The following MED12L variants were observed in gnomAD, a reference collection of about 807,000 sequenced individuals.
MED12L encodes mediator complex subunit 12L.
A neutral mutation model predicts 281.3 loss-of-function variants in MED12L; 60 were observed. The observed-to-expected ratio is 0.21, with a 90% confidence interval of 0.17 to 0.26. The LOEUF (loss-of-function observed/expected upper bound fraction) is 0.26. Among genes scored for constraint, MED12L ranks in the 10% least tolerant of loss-of-function variants. MED12L has a pLI of 1.00. For missense variants in MED12L, 2,146 were observed against 2,680.9 expected, an observed-to-expected ratio of 0.80 and a Z score of 4.41; for synonymous variants, 974 against 987.2, an observed-to-expected ratio of 0.99 and a Z score of 0.25.
intron 42 of MED12L, among the ~76,000 whole-genome samples, chr3:151,414,816 A>G (rs1717362778): frequency 7.3e-6 from 1 of 136,246 alleles, no homozygotes; most frequent in Non-Finnish European, 1.7e-5. Context: ...GTTGTTTCCA[A>G]TGGTAAAAGC....
rs534262879 is a variant in MED12L, at chr3:151,301,295, A to G, written c.2251-48764A>G. ...ATGATCTTTGGATTTCAGTAAGCCTAAAAAGCTTGAATCCAGTTTCTCATG... is the reference window on the plus strand; with the variant it reads ...ATGATCTTTGGATTTCAGTAAGCCTGAAAAGCTTGAATCCAGTTTCTCATG... On this transcript the variant is annotated intron_variant, in intron 16 of 44. Coordinates refer to ENST00000687756, the MANE Select transcript of MED12L (RefSeq NM_001393769.1). Among the ~76,000 whole-genome samples the G allele has an allele frequency of 3.3e-5, 5 of 152,338 alleles. No homozygotes were observed. The South Asian group carries it at 1.0e-3, about 32-fold the overall frequency.
intron 16 of MED12L, among the ~76,000 whole-genome samples, chr3:151,221,312 C>G (rs1729301646): frequency 6.6e-6 from 1 of 152,188 alleles, no homozygotes; most frequent in East Asian, 1.9e-4. Flanking sequence ...AAAAGAAAAT[C>G]CCATCTTCTG....
intron 5 of MED12L, among the ~76,000 whole-genome samples, chr3:151,138,533 A>T (rs114135065): frequency 6.6e-6 from 1 of 152,164 alleles, no homozygotes; most frequent in African/African-American, 2.4e-5. Flanking sequence ...CTTATTCAGG[A>T]TATTATATTA....
In MED12L at chr3:151,434,274, A is replaced by C. The variant is rs1352971612; in HGVS notation, c.*1470A>C. 1 of 152,164 alleles carries C rather than the reference A, an allele frequency of 6.6e-6. No homozygotes were observed. Among genetic ancestry groups the C allele is most frequent in the Non-Finnish European group, 1.5e-5 (1 of 68,038 alleles). The allele number at this position is 152,164 out of a possible 1,614,324, so 9.4% of individuals were successfully genotyped here. A position where few individuals can be genotyped will look rare whatever the true frequency, so the allele number is the denominator to read the frequency against. On this transcript the variant is annotated 3_prime_UTR_variant, in exon 45 of 45. Transcript: ENST00000687756. ...CTTTAGTAGACATTTTCTTTTGCAA[A>C]TCATTATCTATAAATAATTTATATC... is the stretch of plus-strand genomic sequence containing the variant.
chr3:151,357,363 C>G lies in MED12L; in HGVS notation c.2812C>G (p.Gln938Glu). Reference protein sequence around the residue: ...CLILNPDQTAQVFEGLCGVVK... With the variant: ...CLILNPDQTAEVFEGLCGVVK... ...AATCTTGAATCCTGATCAGACAGCCCAGGTGTTTGAAGGGTTGGTATATAG... is the reference window on the plus strand; with the variant it reads ...AATCTTGAATCCTGATCAGACAGCCGAGGTGTTTGAAGGGTTGGTATATAG... Residue 938 changes from glutamine to glutamate, a missense_variant, in exon 20 of 45, where the codon CAG (glutamine) becomes GAG (glutamate). Gln to Glu is a conservative substitution (Grantham distance 29, BLOSUM62 2). Around this residue, in one of 9 missense-constraint regions of MED12L, gnomAD observed 404 missense variants for 603.5 expected, o/e 0.67. Transcript: ENST00000687756. 1.2e-6 allele frequency: 2 copies of G among 1,608,830 alleles called. No homozygotes were observed. Among genetic ancestry groups the G allele is most frequent in the Non-Finnish European group, 1.7e-6 (2 of 1,177,954 alleles).
chr3:151,103,283 G>T (rs151267589), intron 2 of MED12L, among the ~76,000 whole-genome samples: 2 of 152,192 alleles, frequency 1.3e-5, no homozygotes, highest in Admixed American at 1.3e-4. Flanking sequence ...ATATCAGAGG[G>T]TGATATGCAT....
intron 16 of MED12L, among the ~76,000 whole-genome samples, chr3:151,296,731 T>A (rs981574025): frequency 4.6e-5 from 7 of 152,010 alleles, no homozygotes; most frequent in Admixed American, 3.9e-4. Context: ...CCTGAACTAA[T>A]GGAATTAATT....
chr3:151,436,289 T>G lies in MED12L; in HGVS notation c.*3485T>G, dbSNP rs1232829528. Reference sequence around the variant, plus strand: ...AAATTTACATCATAAAGATTGCAGATTTAATATTTTCCATTGTCTCTGTTC... The same window carrying G: ...AAATTTACATCATAAAGATTGCAGAGTTAATATTTTCCATTGTCTCTGTTC... On this transcript the variant is annotated 3_prime_UTR_variant, in exon 45 of 45. Coordinates refer to ENST00000687756, the MANE Select transcript of MED12L (RefSeq NM_001393769.1). 4.4e-5 allele frequency: 7 copies of G among 159,104 alleles called. No individual in the cohort carries two copies. The highest frequency in any genetic ancestry group is 3.6e-4 in the Admixed American group (6 of 16,792). The allele number at this position is 159,104 out of a possible 1,614,324, so 9.9% of individuals were successfully genotyped here. A position where few individuals can be genotyped will look rare whatever the true frequency, so the allele number is the denominator to read the frequency against.
At chr3:151,291,753 T>C (rs979371988) in intron 16 of MED12L, among the ~76,000 whole-genome samples, 13 of 152,316 alleles carry the variant, frequency 8.5e-5, no homozygotes, top group Admixed American at 7.2e-4. Flanking sequence ...ATTTAGCTCA[T>C]GTAAATGATT....
chr3:151,343,471 T>C (rs1183326843), intron 16 of MED12L, among the ~76,000 whole-genome samples: 1 of 152,198 alleles, frequency 6.6e-6, no homozygotes, highest in African/African-American at 2.4e-5. Context: ...TCTGATAACA[T>C]TTTTTCATTG....
chr3:151,143,466 C>T (rs1455430184), intron 5 of MED12L, among the ~76,000 whole-genome samples: 1 of 152,234 alleles, frequency 6.6e-6, no homozygotes, highest in Non-Finnish European at 1.5e-5. Flanking sequence ...GGCGCTTCCT[C>T]CCACTGCCTC....
chr3:151,098,244 C>T (rs978832208), intron 2 of MED12L, among the ~76,000 whole-genome samples: 6 of 152,134 alleles, frequency 3.9e-5, no homozygotes, highest in Non-Finnish European at 8.8e-5. Flanking sequence ...TTGAGGGTTG[C>T]AGTTTCAAGG....
intron 39 of MED12L, among the ~76,000 whole-genome samples, chr3:151,395,258 T>C (rs912889699): frequency 6.6e-6 from 1 of 152,212 alleles, no homozygotes; most frequent in South Asian, 2.1e-4. Context: ...TTTAGACTTA[T>C]TACTGTGAGG....
intron 16 of MED12L, among the ~76,000 whole-genome samples, chr3:151,215,172 TACAAAC>T (rs1163585066): frequency 6.6e-6 from 1 of 151,994 alleles, no homozygotes; most frequent in African/African-American, 2.4e-5. Context: ...AGAATACAAA[TACAAAC>T]AAATGATAAA....
intron 5 of MED12L, among the ~76,000 whole-genome samples, chr3:151,130,188 A>G (rs1398712972): frequency 6.6e-6 from 1 of 152,162 alleles, no homozygotes; most frequent in Admixed American, 6.5e-5. Flanking sequence ...ATGTATATCA[A>G]ATCAAGGTCT....
intron 11 of MED12L, among the ~76,000 whole-genome samples, chr3:151,168,415 G>A (rs752416118): frequency 2.0e-5 from 3 of 152,236 alleles, no homozygotes; most frequent in Admixed American, 6.5e-5. Context: ...AATCACTGCC[G>A]GAAGCTTCCC....
chr3:151,203,297 C>G (rs1361270386), intron 16 of MED12L: 3 of 152,022 alleles, frequency 2.0e-5, no homozygotes, highest in Non-Finnish European at 1.5e-5. Flanking sequence ...AGTAGTTTAA[C>G]TTTATGAAAG....
intron 16 of MED12L, among the ~76,000 whole-genome samples, chr3:151,306,505 G>A (rs1746677076): frequency 6.6e-6 from 1 of 152,188 alleles, no homozygotes; most frequent in Non-Finnish European, 1.5e-5. Context: ...CAGTTGTGTT[G>A]GATGCCCAAA....
chr3:151,283,834 G>A (rs562566550), intron 16 of MED12L, among the ~76,000 whole-genome samples: 2 of 152,340 alleles, frequency 1.3e-5, no homozygotes, highest in Admixed American at 6.5e-5. Context: ...TATCCCAAGT[G>A]TATTAAATCA....
Sources: gnomAD v4.1 joint callset for allele counts (sites outside exome capture counted in the v4.1 genomes callset) on GRCh38, gnomAD v4.1.1 for gene constraint, gnomAD v4.1.1 regional missense constraint, MANE v1.5 for transcripts, NCBI Gene and HGNC (gene_info 2026-07-23, HGNC 2026-07-21) for gene names.